The following ZNF83 variants were observed in gnomAD, a reference collection of about 807,000 sequenced individuals.
The protein encoded by ZNF83 is zinc finger protein 83, also known as zinc finger protein 816B.
For synonymous variants in ZNF83, 209 were observed against 213.0 expected (o/e 0.98, Z 0.17); for missense variants, 552 against 629.9 (o/e 0.88, Z 1.32).
intron 1 of ZNF83, among the ~76,000 whole-genome samples, chr19:52,683,994 G>A (rs1287945445): frequency 2.0e-5 from 3 of 152,128 alleles, no homozygotes; most frequent in Admixed American, 1.3e-4. Flanking sequence ...AGTACACCGG[G>A]AGACCAAGGC....
rs138301230 is a variant in ZNF83, at chr19:52,628,374, C to T, written c.-234+6692G>A. Reference sequence around the variant, plus strand: ...CTCTTTTTACTCTCTTCTCCAACCTCCCTCACTATCCCTCAACCTCTGTCT... The same window carrying T: ...CTCTTTTTACTCTCTTCTCCAACCTTCCTCACTATCCCTCAACCTCTGTCT... On this transcript the variant is annotated intron_variant, in intron 2 of 2. Transcript: ENST00000301096. 3.9e-3 allele frequency among the ~76,000 whole-genome samples: 590 copies of T among 152,300 alleles called. 17 individuals are homozygous for T. The highest frequency in any genetic ancestry group is 0.034 in the Admixed American group (527 of 15,292).
chr19:52,646,886 T>A (rs1295097729), intron 3 of ZNF83, among the ~76,000 whole-genome samples: 1 of 152,252 alleles, frequency 6.6e-6, no homozygotes, highest in Non-Finnish European at 1.5e-5. Flanking sequence ...CCACAAGTTA[T>A]ACCAAGGCAG....
chr19:52,655,450 A>G (rs371655207), intron 3 of ZNF83: 3 of 1,000,870 alleles, frequency 3.0e-6, no homozygotes, highest in South Asian at 2.9e-5. Context: ...AAACAATGAC[A>G]TGTACATCAA....
At chr19:52,629,507 C>T (rs536760098) in intron 2 of ZNF83, among the ~76,000 whole-genome samples, 4 of 152,162 alleles carry the variant, frequency 2.6e-5, no homozygotes, top group Non-Finnish European at 5.9e-5. Flanking sequence ...CGCTCCTCCA[C>T]CCTGTAATCT....
chr19:52,686,503 GA>G (rs5828522), intron 1 of ZNF83, among the ~76,000 whole-genome samples: 93,678 of 143,908 alleles, frequency 0.65, 30,383 homozygotes, highest in African/African-American at 0.73. Flanking sequence ...AAACCAGAAA[GA>G]AAAAAAAAAA....
intron 2 of ZNF83, among the ~76,000 whole-genome samples, chr19:52,626,359 A>G (rs1490709224): frequency 6.6e-6 from 1 of 152,230 alleles, no homozygotes; most frequent in African/African-American, 2.4e-5. Flanking sequence ...ACTGCTGAAA[A>G]AGGAGGACTC....
chr19:52,689,926 T>C (rs1381703688), intron 1 of ZNF83, among the ~76,000 whole-genome samples: 1 of 152,140 alleles, frequency 6.6e-6, no homozygotes, highest in African/African-American at 2.4e-5. Flanking sequence ...AAGCGGTGAC[T>C]GCGGAGGAGA....
chr19:52,624,684 A>C (rs553382762), intron 2 of ZNF83, among the ~76,000 whole-genome samples: 4 of 152,232 alleles, frequency 2.6e-5, no homozygotes, highest in African/African-American at 7.2e-5. Context: ...AAGGACCAGG[A>C]CTGCACCCTG....
chr19:52,669,345 T>C (rs938290865), intron 1 of ZNF83, among the ~76,000 whole-genome samples: 6 of 152,182 alleles, frequency 3.9e-5, no homozygotes, highest in African/African-American at 1.4e-4. Flanking sequence ...GCTGCAGGAT[T>C]TGAGTCAATG....
chr19:52,683,534 AAAG>A, intron 1 of ZNF83, among the ~76,000 whole-genome samples: 1 of 70,136 alleles, frequency 1.4e-5, no homozygotes, highest in African/African-American at 8.0e-5. Flanking sequence ...AGGGAAGGGC[AAAG>A]TCCCTGCCCA....
intron 1 of ZNF83, among the ~76,000 whole-genome samples, chr19:52,667,342 T>C (rs1023958666): frequency 6.6e-6 from 1 of 152,116 alleles, no homozygotes; most frequent in Non-Finnish European, 1.5e-5. Flanking sequence ...TTGCAACAAT[T>C]CAGAAAGTTG....
intron 2 of ZNF83, chr19:52,616,967 A>T (rs1185660842): frequency 6.6e-6 from 1 of 152,168 alleles, no homozygotes; most frequent in Non-Finnish European, 1.5e-5. Context: ...CTCACTCATA[A>T]GTGGGAGTTG....
At chr19:52,627,647 T>A (rs1410390061) in intron 2 of ZNF83, among the ~76,000 whole-genome samples, 1 of 151,930 alleles carries the variant, frequency 6.6e-6, no homozygotes, top group Non-Finnish European at 1.5e-5. Flanking sequence ...CAAAACTCAG[T>A]CTCAACTAAA....
At chr19:52,676,442 A>AT (rs574430973) in intron 1 of ZNF83, among the ~76,000 whole-genome samples, 331 of 148,216 alleles carry the variant, frequency 2.2e-3, no homozygotes, top group Non-Finnish European at 3.9e-3. Flanking sequence ...CTGGCCGCCC[A>AT]TGTCTGGGAT....
At chr19:52,642,265 T>C (rs1874434553), upstream of ZNF83, among the ~76,000 whole-genome samples, 3 of 36,360 alleles carry the variant, frequency 8.3e-5, no homozygotes, top group Non-Finnish European at 4.8e-5. Context: ...TTGTAGCTTT[T>C]TTTTTTTTTT....
intron 1 of ZNF83, among the ~76,000 whole-genome samples, chr19:52,681,303 C>CAAAAAAAAAAAAAAAAAA (rs1189423006): frequency 3.3e-4 from 26 of 78,298 alleles, no homozygotes; most frequent in South Asian, 8.3e-4. Context: ...AAAAAAAAAG[C>CAAAAAAAAAAAAAAAAAA]AAACGAACAT....
At chr19:52,681,089 A>G (rs932307726) in intron 1 of ZNF83, among the ~76,000 whole-genome samples, 1 of 151,742 alleles carries the variant, frequency 6.6e-6, no homozygotes, top group Non-Finnish European at 1.5e-5. Context: ...GTTGGAAACC[A>G]GCCTGGCCAA....
intron 1 of ZNF83, among the ~76,000 whole-genome samples, chr19:52,676,096 T>G (rs999761500): frequency 2.0e-5 from 3 of 152,164 alleles, no homozygotes; most frequent in Non-Finnish European, 4.4e-5. Flanking sequence ...TTCTCCTGCC[T>G]CAGCCTGCTG....
At chr19:52,664,893 G>T (rs999091755) in intron 1 of ZNF83, among the ~76,000 whole-genome samples, 2 of 152,094 alleles carry the variant, frequency 1.3e-5, no homozygotes, top group South Asian at 4.1e-4. Context: ...AGTGAGGCTG[G>T]AACAGCTCAG....
Sources: gnomAD v4.1 joint callset for allele counts (sites outside exome capture counted in the v4.1 genomes callset) on GRCh38, gnomAD v4.1.1 for gene constraint, MANE v1.5 for transcripts, NCBI Gene and HGNC (gene_info 2026-07-23, HGNC 2026-07-21) for gene names.